The following RBM20 variants were observed in gnomAD, a reference collection of about 807,000 sequenced individuals.
RBM20 encodes the protein RNA-binding protein 20.
RBM20 carries 51 observed loss-of-function variants against 110.1 expected under a neutral mutation model. The observed-to-expected ratio is 0.46, with a 90% CI of 0.37 to 0.59. The LOEUF is 0.59. RBM20 is among the 20% of genes least tolerant of loss of function. RBM20 has a pLI of 0.00. For synonymous variants in RBM20, 589 were observed against 618.2 expected, an observed-to-expected ratio of 0.95 and a Z score of 0.70; for missense variants, 1,512 against 1,574.9, an observed-to-expected ratio of 0.96 and a Z score of 0.68.
intron 5 of RBM20, among the ~76,000 whole-genome samples, chr10:110,792,326 C>T (rs1281632569): frequency 6.6e-6 from 1 of 152,160 alleles, no homozygotes; most frequent in East Asian, 1.9e-4. Context: ...ATAATCACAA[C>T]AATATTTTTT....
rs147857898 is a variant in RBM20, at chr10:110,747,358, C to T, written c.192-33443C>T. On this transcript the variant is annotated intron_variant, in intron 1 of 13. Transcript: ENST00000369519. The stretch of plus-strand genomic sequence containing the variant: ...TCTCAACCCCCTTCAGATCCACTGG[C>T]CACTTCCACAGATCCTGCCCAGGCT... Among the ~76,000 whole-genome samples, 332 of 152,030 alleles carry T rather than the reference C, an allele frequency of 2.2e-3. 1 individual carries two copies. The highest frequency in any genetic ancestry group is 7.4e-3 in the African/African-American group (307 of 41,450).
At chr10:110,713,894 T>G (rs115038780) in intron 1 of RBM20, among the ~76,000 whole-genome samples, 1 of 152,310 alleles carries the variant, frequency 6.6e-6, no homozygotes, top group Non-Finnish European at 1.5e-5. Flanking sequence ...ACTACGTTTT[T>G]GGGCTAGTTG....
In RBM20 at chr10:110,812,688, C is replaced by T. The variant is rs1036485472; in HGVS notation, c.2291C>T (p.Pro764Leu). Residue 764 changes from proline to leucine, a missense_variant, in exon 9 of 14, where the codon CCC becomes CTC. By Grantham distance (98) the Pro-to-Leu change is moderately conservative. This residue lies in a region of RBM20 where 1,149 missense variants were observed against 1,169.4 expected (regional missense o/e 0.98). Transcript: ENST00000369519. Reference sequence around the variant, plus strand: ...GAAGACGGCTACTACCGGAAAGAGCCCAAAGCCAAGTCGGACAAGTATCTG... The same window carrying T: ...GAAGACGGCTACTACCGGAAAGAGCTCAAAGCCAAGTCGGACAAGTATCTG... ...SREDGYYRKE[P>L]KAKSDKYLKQ... The T allele has an allele frequency of 1.3e-6, 2 of 1,551,586 alleles. No homozygotes were observed. Among genetic ancestry groups the T allele is most frequent in the Admixed American group, 2.0e-5 (1 of 50,984 alleles).
intron 1 of RBM20, among the ~76,000 whole-genome samples, chr10:110,670,640 C>A (rs529591187): frequency 1.3e-5 from 2 of 152,274 alleles, no homozygotes; most frequent in African/African-American, 4.8e-5. Context: ...AGAGGGAGCC[C>A]CGCTCAGAGA....
intron 1 of RBM20, among the ~76,000 whole-genome samples, chr10:110,769,332 T>TGG (rs1321191322): frequency 6.6e-6 from 1 of 152,162 alleles, no homozygotes. Flanking sequence ...TTTATAATGA[T>TGG]GGGGGTGGGT....
chr10:110,661,671 G>A (rs1862103882), intron 1 of RBM20, among the ~76,000 whole-genome samples: 1 of 152,130 alleles, frequency 6.6e-6, no homozygotes, highest in Non-Finnish European at 1.5e-5. Context: ...AGGTGAATAT[G>A]TATTCATATT....
At position 110,834,957 on chromosome 10, in the gene RBM20, G is replaced by A. The variant is rs372129829; in HGVS notation, c.3574-911G>A. On this transcript the variant is annotated intron_variant, in intron 13 of 13. Coordinates refer to ENST00000369519, the MANE Select transcript of RBM20 (RefSeq NM_001134363.3). ...AGTGTTCTGGGGTCATGCAGAGGCA[G>A]CCCTCAACGATAGAATAGACAGGCC... 8.6e-4 allele frequency among the ~76,000 whole-genome samples: 131 copies of A among 152,308 alleles called. 1 individual carries two copies. In the South Asian group the frequency reaches 0.027, roughly 31 times the overall value.
chr10:110,700,249 A>T (rs1862737806), intron 1 of RBM20, among the ~76,000 whole-genome samples: 1 of 152,072 alleles, frequency 6.6e-6, no homozygotes. Flanking sequence ...AGCCTTTGGC[A>T]TGAACACCAG....
chr10:110,698,453 T>C (rs1233385437), intron 1 of RBM20, among the ~76,000 whole-genome samples: 3 of 152,200 alleles, frequency 2.0e-5, no homozygotes, highest in Non-Finnish European at 4.4e-5. Flanking sequence ...ACCCTGCCTG[T>C]CCTTGAGGGC....
intron 1 of RBM20, among the ~76,000 whole-genome samples, chr10:110,659,132 A>C (rs1481873994): frequency 1.3e-5 from 2 of 152,208 alleles, no homozygotes; most frequent in African/African-American, 4.8e-5. Context: ...TGGTGATGAG[A>C]AATACTAGTC....
intron 6 of RBM20, among the ~76,000 whole-genome samples, chr10:110,798,068 T>A (rs1844575059): frequency 6.6e-6 from 1 of 152,192 alleles, no homozygotes; most frequent in South Asian, 2.1e-4. Context: ...GACTAGGTAT[T>A]TTTCCTGGTC....
At chr10:110,725,310 T>A (rs1035363031) in intron 1 of RBM20, among the ~76,000 whole-genome samples, 3 of 152,186 alleles carry the variant, frequency 2.0e-5, no homozygotes, top group Non-Finnish European at 4.4e-5. Context: ...TTCAATTTCA[T>A]GGTTTTTATG....
At chr10:110,752,354 T>C (rs571745156) in intron 1 of RBM20, among the ~76,000 whole-genome samples, 1 of 152,346 alleles carries the variant, frequency 6.6e-6, no homozygotes, top group African/African-American at 2.4e-5. Flanking sequence ...GTTTACTCCA[T>C]GTGTTTTCAT....
At chr10:110,766,613 C>A (rs921894320) in intron 1 of RBM20, among the ~76,000 whole-genome samples, 2 of 151,480 alleles carry the variant, frequency 1.3e-5, no homozygotes, top group African/African-American at 2.4e-5. Flanking sequence ...GTGGACACAG[C>A]ACATGTTTCA....
chr10:110,756,050 C>T (rs544238317), intron 1 of RBM20, among the ~76,000 whole-genome samples: 6 of 152,318 alleles, frequency 3.9e-5, no homozygotes, highest in Admixed American at 1.3e-4. Context: ...ACAATGACAG[C>T]GGATTCCTGA....
intron 1 of RBM20, among the ~76,000 whole-genome samples, chr10:110,650,556 G>A (rs1359735111): frequency 2.6e-5 from 4 of 152,202 alleles, no homozygotes; most frequent in Non-Finnish European, 2.9e-5. Flanking sequence ...TAGTTTCCAC[G>A]CCAATTTTGC....
At chr10:110,687,110 G>A (rs1317018426) in intron 1 of RBM20, among the ~76,000 whole-genome samples, 1 of 151,748 alleles carries the variant, frequency 6.6e-6, no homozygotes, top group Non-Finnish European at 1.5e-5. Context: ...TACTGTCCCA[G>A]TTCAGCTGCC....
At chr10:110,676,186 T>C (rs979997801) in intron 1 of RBM20, among the ~76,000 whole-genome samples, 10 of 152,218 alleles carry the variant, frequency 6.6e-5, no homozygotes, top group African/African-American at 1.9e-4. Context: ...GACATTTCCA[T>C]TGTACTGAAA....
At chr10:110,792,107 T>C (rs1293299202) in intron 5 of RBM20, among the ~76,000 whole-genome samples, 3 of 152,196 alleles carry the variant, frequency 2.0e-5, no homozygotes, top group African/African-American at 7.2e-5. Flanking sequence ...TTTTGCCCCA[T>C]TTGCTTTGTC....
Sources: gnomAD v4.1 joint callset for allele counts (sites outside exome capture counted in the v4.1 genomes callset) on GRCh38, gnomAD v4.1.1 for gene constraint, gnomAD v4.1.1 regional missense constraint, MANE v1.5 for transcripts, NCBI Gene and HGNC (gene_info 2026-07-23, HGNC 2026-07-21) for gene names.